Variants in TATDN1 observed in about 807,000 individuals in gnomAD.
TATDN1 encodes TatD DNase domain containing 1.
A neutral mutation model predicts 46.4 loss-of-function variants in TATDN1; 40 were observed. The ratio of observed to expected loss-of-function variants is 0.86; its 90% CI spans 0.67 to 1.12. The LOEUF is 1.12. Ranked by LOEUF, TATDN1 falls within the 50% of genes most tolerant of loss-of-function variation. TATDN1 has a pLI of 0.00. For synonymous variants in TATDN1, 95 were observed against 105.6 expected, an observed-to-expected ratio of 0.90 and a Z score of 0.62; for missense variants, 326 against 348.4, an observed-to-expected ratio of 0.94 and a Z score of 0.51.
rs986014047 is a variant in TATDN1, at chr8:124,504,589, C to T, written c.517-242G>A. 1.3e-5 allele frequency: 4 copies of T among 306,788 alleles called. No individual in the cohort carries two copies. The Admixed American group carries it at 1.5e-4, about 11-fold the overall frequency. The allele number at this position is 306,788 out of a possible 1,614,324, so 19.0% of individuals were successfully genotyped here. The stretch of plus-strand genomic sequence containing the variant: ...CCGAGAATTTCTCTCTTTAGAGTGG[C>T]AGTGTTGCTGTCTCTGCACTAGCAT... On this transcript the variant is annotated intron_variant, in intron 8 of 11. Coordinates refer to ENST00000276692, the MANE Select transcript of TATDN1 (RefSeq NM_032026.4).
intron 1 of TATDN1, among the ~76,000 whole-genome samples, chr8:124,531,435 G>C (rs1820946715): frequency 1.3e-5 from 2 of 152,170 alleles, no homozygotes; most frequent in South Asian, 4.1e-4. Context: ...AATAGGCACA[G>C]TGAAAGTGCT....
intron 11 of TATDN1, chr8:124,491,184 T>A (rs1198069832): frequency 6.6e-6 from 1 of 152,122 alleles, no homozygotes; most frequent in Non-Finnish European, 1.5e-5. Flanking sequence ...TTAAAAAAAA[T>A]AATTGCCACT....
At chr8:124,505,326 T>A (rs1818319514) in intron 8 of TATDN1, among the ~76,000 whole-genome samples, 1 of 151,532 alleles carries the variant, frequency 6.6e-6, no homozygotes, top group Admixed American at 6.6e-5. Context: ...GGAGGTTGCG[T>A]TGAGCTGAGA....
intron 10 of TATDN1, chr8:124,494,223 TA>T (rs1228789253): frequency 1.2e-5 from 3 of 241,956 alleles, no homozygotes; most frequent in Non-Finnish European, 1.6e-5. Flanking sequence ...ACCTAAACCT[TA>T]AATACAATTG....
chr8:124,525,642 G>A (rs1373721789), intron 1 of TATDN1, among the ~76,000 whole-genome samples: 1 of 152,148 alleles, frequency 6.6e-6, no homozygotes, highest in Non-Finnish European at 1.5e-5. Context: ...AGTCTTATTA[G>A]CATGTAATTA....
chr8:124,506,960 G>A (rs752711832), intron 8 of TATDN1, among the ~76,000 whole-genome samples: 8 of 152,010 alleles, frequency 5.3e-5, no homozygotes, highest in Non-Finnish European at 1.0e-4. Flanking sequence ...TCAAGAGATC[G>A]AGACCATCCT....
At chr8:124,529,807 G>A (rs1200642279) in intron 1 of TATDN1, among the ~76,000 whole-genome samples, 1 of 152,070 alleles carries the variant, frequency 6.6e-6, no homozygotes, top group African/African-American at 2.4e-5. Flanking sequence ...AGGTCCCATG[G>A]TAGGCCGGGT....
At chr8:124,507,323 T>C (rs1280633184) in intron 8 of TATDN1, among the ~76,000 whole-genome samples, 1 of 152,148 alleles carries the variant, frequency 6.6e-6, no homozygotes, top group African/African-American at 2.4e-5. Flanking sequence ...ATCAGAATAG[T>C]AGGTGAATAC....
At position 124,493,879 on chromosome 8, in the gene TATDN1, C is replaced by G. The variant is rs756454578; in HGVS notation, c.745G>C (p.Glu249Gln). The change falls in exon 11 of 12, where the codon GAA becomes CAA. Residue 249 changes from glutamate (E) to glutamine (Q), a missense_variant. Physicochemically the swap from Glu to Gln is conservative, Grantham distance 29. Coordinates refer to ENST00000276692, the MANE Select transcript of TATDN1 (RefSeq NM_032026.4). ...CTGTCTTTTAAGCAGTGCCCACTTT[C>G]CCACTTCTTTTTGGTAGGAAATGCA... ...RTAFPTKKKW[E>Q]SGHCLKDRNE... The G allele has an allele frequency of 2.2e-5, 35 of 1,611,706 alleles. No individual in the cohort carries two copies. Among genetic ancestry groups the G allele is most frequent in the Middle Eastern group, 4.2e-4 (2 of 4,764 alleles).
intron 3 of TATDN1, among the ~76,000 whole-genome samples, chr8:124,520,018 C>T (rs555760335): frequency 1.3e-5 from 2 of 152,244 alleles, no homozygotes; most frequent in South Asian, 2.1e-4. Context: ...AAACACAAAA[C>T]GAAGGTAGAA....
At chr8:124,538,810 A>C in intron 1 of TATDN1, 1 of 613,042 alleles carries the variant, frequency 1.6e-6, no homozygotes, top group South Asian at 1.9e-5. Context: ...CGGCTTGTTA[A>C]TTTTTACAAA....
chr8:124,535,787 A>G (rs541898742), intron 1 of TATDN1, among the ~76,000 whole-genome samples: 2 of 152,340 alleles, frequency 1.3e-5, no homozygotes, highest in East Asian at 3.9e-4. Context: ...GTTGTACAAG[A>G]TGCATGACAC....
At chr8:124,525,257 T>A (rs894745293) in intron 1 of TATDN1, among the ~76,000 whole-genome samples, 1 of 152,158 alleles carries the variant, frequency 6.6e-6, no homozygotes, top group Non-Finnish European at 1.5e-5. Flanking sequence ...GCAATTCTCC[T>A]GTCTCAGCCT....
intron 1 of TATDN1, among the ~76,000 whole-genome samples, chr8:124,527,453 G>A (rs1160819579): frequency 6.6e-6 from 1 of 152,154 alleles, no homozygotes; most frequent in Non-Finnish European, 1.5e-5. Context: ...GGTGTCAGGT[G>A]GTTGGCTGAA....
In TATDN1 at chr8:124,537,661, G is replaced by A. The variant is rs546894031; in HGVS notation, c.22+1364C>T. Among the ~76,000 whole-genome samples the A allele has an allele frequency of 5.9e-5, 9 of 152,204 alleles. No homozygotes were observed. The East Asian group carries it at 1.7e-3, about 29-fold the overall frequency. On this transcript the variant is annotated intron_variant, in intron 1 of 11. Transcript: ENST00000276692. ...TAAACACACTTTTAAAAAGTTATGTGGCCTTTCTTTACGGAGTACTTCATG... is the reference window on the plus strand; with the variant it reads ...TAAACACACTTTTAAAAAGTTATGTAGCCTTTCTTTACGGAGTACTTCATG...
At chr8:124,519,085 G>C (rs1024001178) in intron 3 of TATDN1, among the ~76,000 whole-genome samples, 1 of 152,134 alleles carries the variant, frequency 6.6e-6, no homozygotes, top group Non-Finnish European at 1.5e-5. Context: ...GTATGTGTGT[G>C]TGCATGTAGA....
In TATDN1 at chr8:124,488,568, G is replaced by T; in HGVS notation, c.*26C>A. 1 of 1,181,676 alleles carries T rather than the reference G, an allele frequency of 8.5e-7. No individual in the cohort carries two copies. The highest frequency in any genetic ancestry group is 1.2e-6 in the Non-Finnish European group (1 of 815,738). The allele number at this position is 1,181,676 out of a possible 1,614,324, so 73.2% of individuals were successfully genotyped here. Reference sequence around the variant, plus strand: ...TTTTACTATGAAATTTTACATACATGATGGAAAGTGGAAGACATATACCAA... The same window carrying T: ...TTTTACTATGAAATTTTACATACATTATGGAAAGTGGAAGACATATACCAA... On this transcript the variant is annotated 3_prime_UTR_variant, in exon 12 of 12. Coordinates refer to ENST00000276692, the MANE Select transcript of TATDN1 (RefSeq NM_032026.4).
In TATDN1 at chr8:124,503,208, C is replaced by T. The variant is rs566624938; in HGVS notation, c.593+1063G>A. 1.4e-4 allele frequency among the ~76,000 whole-genome samples: 22 copies of T among 152,028 alleles called. No homozygotes were observed. In the Middle Eastern group the frequency reaches 0.014, roughly 94 times the overall value. On this transcript the variant is annotated intron_variant, in intron 9 of 11. Coordinates refer to ENST00000276692, the MANE Select transcript of TATDN1 (RefSeq NM_032026.4). Reference sequence around the variant, plus strand: ...AGAGAATGGAGGTAGGGGATTAGTACGGGATATAAGAACTAATGTGCTCAT... The same window carrying T: ...AGAGAATGGAGGTAGGGGATTAGTATGGGATATAAGAACTAATGTGCTCAT...
intron 9 of TATDN1, among the ~76,000 whole-genome samples, chr8:124,499,970 G>A (rs377552051): frequency 5.3e-5 from 8 of 151,680 alleles, no homozygotes; most frequent in East Asian, 1.9e-4. Flanking sequence ...TCAGCCTCCC[G>A]AGTAGCTGGG....
Sources: gnomAD v4.1 joint callset for allele counts (sites outside exome capture counted in the v4.1 genomes callset) on GRCh38, gnomAD v4.1.1 for gene constraint, MANE v1.5 for transcripts, NCBI Gene and HGNC (gene_info 2026-07-23, HGNC 2026-07-21) for gene names.